Variants in LRRC49 observed in about 807,000 individuals in gnomAD.
The protein encoded by LRRC49 is leucine rich repeat containing 49.
A neutral mutation model predicts 83.3 loss-of-function variants in LRRC49; 50 were observed. The observed-to-expected ratio is 0.60, with a 90% CI of 0.48 to 0.76. LRRC49 has a LOEUF of 0.76. LRRC49 is among the 30% of genes least tolerant of loss of function. LRRC49 has a pLI of 0.00. For missense variants in LRRC49, 704 were observed against 809.1 expected, an observed-to-expected ratio of 0.87 and a Z score of 1.58; for synonymous variants, 286 against 283.3, an observed-to-expected ratio of 1.01 and a Z score of -0.10.
At chr15:70,988,572 G>C (rs1216289922) in intron 11 of LRRC49, among the ~76,000 whole-genome samples, 1 of 151,756 alleles carries the variant, frequency 6.6e-6, no homozygotes, top group Non-Finnish European at 1.5e-5. Context: ...CACACTGATG[G>C]GTCTTGACTC....
At chr15:70,953,070 G>A (rs2036277052) in intron 8 of LRRC49, among the ~76,000 whole-genome samples, 1 of 152,120 alleles carries the variant, frequency 6.6e-6, no homozygotes, top group African/African-American at 2.4e-5. Flanking sequence ...GTTGGTTTGT[G>A]CTTCTTTATC....
intron 1 of LRRC49, among the ~76,000 whole-genome samples, chr15:70,856,599 C>A (rs1297329465): frequency 6.6e-6 from 1 of 152,222 alleles, no homozygotes; most frequent in African/African-American, 2.4e-5. Context: ...AGGCAACTCA[C>A]ATAAGTTTCT....
chr15:71,024,286 C>A (rs2039087722), intron 14 of LRRC49, among the ~76,000 whole-genome samples: 1 of 152,220 alleles, frequency 6.6e-6, no homozygotes. Context: ...GGTGCTGGAT[C>A]CCATGCCTCC....
intron 11 of LRRC49, among the ~76,000 whole-genome samples, chr15:70,989,593 G>A (rs541438223): frequency 1.9e-3 from 291 of 152,160 alleles, no homozygotes; most frequent in Non-Finnish European, 3.2e-3. Flanking sequence ...CCTGTAGCTC[G>A]GAGTAGTTTG....
chr15:70,998,119 T>G (rs1171564858), intron 11 of LRRC49, among the ~76,000 whole-genome samples: 1 of 152,192 alleles, frequency 6.6e-6, no homozygotes, highest in Non-Finnish European at 1.5e-5. Flanking sequence ...CTGTTACTAT[T>G]TTCAGAAATT....
intron 14 of LRRC49, among the ~76,000 whole-genome samples, chr15:71,023,831 G>A (rs923662302): frequency 4.6e-5 from 7 of 152,164 alleles, no homozygotes; most frequent in Non-Finnish European, 1.5e-5. Context: ...CGGGGGAGAG[G>A]CAGTCACCAT....
chr15:70,968,745 C>T (rs922157734), intron 9 of LRRC49, among the ~76,000 whole-genome samples: 10 of 152,144 alleles, frequency 6.6e-5, no homozygotes, highest in Middle Eastern at 3.2e-3. Context: ...TGATGATGAG[C>T]TTTTTTTCAT....
chr15:70,984,695 T>C (rs1295188164), intron 11 of LRRC49: 2 of 152,658 alleles, frequency 1.3e-5, no homozygotes, highest in African/African-American at 4.8e-5. Flanking sequence ...TAGTTACATA[T>C]GTATACATGT....
At chr15:70,891,930 G>A (rs768566603), upstream of LRRC49, 5 of 1,613,828 alleles carry the variant, frequency 3.1e-6, no homozygotes, top group Admixed American at 6.7e-5. Flanking sequence ...GCTGCCTGGA[G>A]CTCTCCTCGC....
At chr15:70,972,994 G>A (rs1355249586) in intron 9 of LRRC49, among the ~76,000 whole-genome samples, 1 of 151,892 alleles carries the variant, frequency 6.6e-6, no homozygotes, top group Non-Finnish European at 1.5e-5. Flanking sequence ...CTGTCAATTC[G>A]TCAAACTCAT....
intron 1 of LRRC49, among the ~76,000 whole-genome samples, chr15:70,857,633 GATCCATGA>G (rs1254470893): frequency 6.6e-6 from 1 of 152,180 alleles, no homozygotes; most frequent in Non-Finnish European, 1.5e-5. Context: ...CCTGAGACAT[GATCCATGA>G]ATACCAAGAG....
At position 71,028,371 on chromosome 15, in the gene LRRC49, A is replaced by G. The variant is rs143478462; in HGVS notation, c.1704-8808A>G. ...CCAGTATTATATTGAGGATTTTTGTATCAATGTTCATCATTGATATTGGCC... is the reference window on the plus strand; with the variant it reads ...CCAGTATTATATTGAGGATTTTTGTGTCAATGTTCATCATTGATATTGGCC... On this transcript the variant is annotated intron_variant, in intron 14 of 15. Coordinates refer to ENST00000260382, the MANE Select transcript of LRRC49 (RefSeq NM_017691.5). Among the ~76,000 whole-genome samples the G allele has an allele frequency of 4.9e-3, 740 of 152,214 alleles. 11 individuals are homozygous for G. Among genetic ancestry groups the G allele is most frequent in the African/African-American group, 0.017 (721 of 41,520 alleles).
chr15:70,882,927 G>A (rs1229470723), intron 2 of LRRC49: 1 of 1,613,080 alleles, frequency 6.2e-7, no homozygotes, highest in Non-Finnish European at 8.5e-7. Context: ...ACAAATCAGA[G>A]GAGAAACATA....
chr15:70,969,166 G>A lies in LRRC49; in HGVS notation c.921+5234G>A, dbSNP rs187248959. Among the ~76,000 whole-genome samples the A allele has an allele frequency of 3.0e-3, 457 of 152,278 alleles. 1 individual carries two copies. Among genetic ancestry groups the A allele is most frequent in the Middle Eastern group, 0.01 (3 of 294 alleles). On this transcript the variant is annotated intron_variant, in intron 9 of 15. Transcript: ENST00000260382. ...TTTTGAATTAATTTTTGTGTAAGGTGTAAGGAAGGGGTCCAGTTTCAGCTT... is the reference window on the plus strand; with the variant it reads ...TTTTGAATTAATTTTTGTGTAAGGTATAAGGAAGGGGTCCAGTTTCAGCTT...
At chr15:70,877,753 C>T (rs1202491259) in intron 2 of LRRC49, among the ~76,000 whole-genome samples, 2 of 152,170 alleles carry the variant, frequency 1.3e-5, no homozygotes, top group Non-Finnish European at 2.9e-5. Context: ...ACATTGTTTT[C>T]CAAAGTGCTT....
chr15:70,866,288 A>T (rs1057312671), intron 1 of LRRC49, among the ~76,000 whole-genome samples: 3 of 152,038 alleles, frequency 2.0e-5, no homozygotes, highest in Non-Finnish European at 2.9e-5. Flanking sequence ...CTGGGACTAC[A>T]GGCGTGTGCC....
At position 70,904,764 on chromosome 15, in the gene LRRC49, T is replaced by C; in HGVS notation, c.500+9T>C. 1 of 1,600,696 alleles carries C rather than the reference T, an allele frequency of 6.2e-7. No homozygotes were observed. Among genetic ancestry groups the C allele is most frequent in the East Asian group, 2.2e-5 (1 of 44,706 alleles). The stretch of plus-strand genomic sequence containing the variant: ...CTGTTGGGGAAAAACAGGTATTCTT[T>C]GTAGAGCAGTTTTTGTAGCCTAATG... On this transcript the variant is annotated intron_variant, in intron 5 of 15. Transcript: ENST00000260382.
At chr15:71,016,323 A>C (rs931672488) in intron 14 of LRRC49, among the ~76,000 whole-genome samples, 1 of 152,230 alleles carries the variant, frequency 6.6e-6, no homozygotes. Flanking sequence ...AATGAATTTG[A>C]TAATAAGAAT....
rs769071263 is a variant in LRRC49 at position 70,898,878 on chromosome 15, A to G, written c.194-2044A>G. 9.2e-5 allele frequency among the ~76,000 whole-genome samples: 14 copies of G among 152,250 alleles called. No individual in the cohort carries two copies. In the East Asian group the frequency reaches 1.9e-3, roughly 21 times the overall value. ...ATGTAGTTTTTTTGTGGGTATTTATATACCCACATATATATGTGGATATTT... is the reference window on the plus strand; with the variant it reads ...ATGTAGTTTTTTTGTGGGTATTTATGTACCCACATATATATGTGGATATTT... On this transcript the variant is annotated intron_variant, in intron 3 of 15. Transcript: ENST00000260382.
Sources: allele counts gnomAD v4.1 joint callset (sites outside exome capture counted in the v4.1 genomes callset), GRCh38; gene constraint gnomAD v4.1.1; transcripts MANE v1.5; gene names NCBI Gene and HGNC (gene_info 2026-07-23, HGNC 2026-07-21).